POLN: variants seen among roughly 807,000 people sequenced by gnomAD.
POLN encodes the protein DNA polymerase nu.
POLN carries 108 observed loss-of-function variants against 113.5 expected under a neutral mutation model. The ratio of observed to expected loss-of-function variants is 0.95; its 90% CI spans 0.81 to 1.12. The LOEUF (loss-of-function observed/expected upper bound fraction) is 1.12. Among genes scored for constraint, POLN ranks in the 50% most tolerant of loss-of-function variants. The pLI, the probability that POLN is intolerant of heterozygous loss-of-function variation, is 0.00. For synonymous variants in POLN, 386 were observed against 391.5 expected (o/e 0.99, Z 0.17); for missense variants, 1,097 against 1,077.1 (o/e 1.02, Z -0.26).
intron 13 of POLN, among the ~76,000 whole-genome samples, chr4:2,165,413 G>C (rs1732705138): frequency 6.6e-6 from 1 of 152,184 alleles, no homozygotes; most frequent in African/African-American, 2.4e-5. Flanking sequence ...GGCTGTCAGG[G>C]GCTGGTGGGA....
intron 3 of POLN, among the ~76,000 whole-genome samples, chr4:2,217,630 T>C (rs1734143948): frequency 6.6e-6 from 1 of 152,248 alleles, no homozygotes; most frequent in Non-Finnish European, 1.5e-5. Context: ...AGTTTTGTTT[T>C]TGAAAAATTT....
chr4:2,183,267 G>C (rs1308935547), intron 7 of POLN, among the ~76,000 whole-genome samples: 1 of 152,188 alleles, frequency 6.6e-6, no homozygotes, highest in Admixed American at 6.5e-5. Context: ...TAAATACAGA[G>C]TACCACATGA....
intron 20 of POLN, among the ~76,000 whole-genome samples, chr4:2,091,761 C>CTGTGTGTGTGTGTG (rs765518897): frequency 2.0e-4 from 29 of 145,092 alleles, no homozygotes; most frequent in Non-Finnish European, 3.6e-4. Context: ...ACACGTGAAT[C>CTGTGTGTGTGTGTG]TGTGTGTGTG....
intron 15 of POLN, among the ~76,000 whole-genome samples, chr4:2,157,174 G>A (rs1037154719): frequency 6.6e-6 from 1 of 152,224 alleles, no homozygotes; most frequent in African/African-American, 2.4e-5. Flanking sequence ...AGGTGGGACT[G>A]TGCGTCACAG....
chr4:2,112,213 T>C (rs1731211556), intron 19 of POLN, among the ~76,000 whole-genome samples: 1 of 152,254 alleles, frequency 6.6e-6, no homozygotes. Flanking sequence ...ATCCCTTCCT[T>C]ACACCTTATA....
chr4:2,227,861 C>T (rs1329402512), intron 3 of POLN: 4 of 152,128 alleles, frequency 2.6e-5, no homozygotes, highest in Non-Finnish European at 5.9e-5. Context: ...ATTTCCACCT[C>T]TGTCAAGTAT....
At chr4:2,078,106 A>T (rs1482410896) in intron 23 of POLN, among the ~76,000 whole-genome samples, 1 of 152,214 alleles carries the variant, frequency 6.6e-6, no homozygotes, top group Non-Finnish European at 1.5e-5. Flanking sequence ...AGCCCTGCTG[A>T]ACTGCTCTGT....
At chr4:2,105,162 C>T (rs893919300) in intron 19 of POLN, among the ~76,000 whole-genome samples, 1 of 152,196 alleles carries the variant, frequency 6.6e-6, no homozygotes, top group African/African-American at 2.4e-5. Context: ...TGAAAGCACA[C>T]CACCCACCCT....
At chr4:2,116,666 G>C (rs1731325738) in intron 19 of POLN, among the ~76,000 whole-genome samples, 1 of 152,290 alleles carries the variant, frequency 6.6e-6, no homozygotes, top group East Asian at 1.9e-4. Context: ...CAAGTGGCCT[G>C]CAAACTTGGC....
At chr4:2,231,869 C>T (rs1421531677) in intron 2 of POLN, 2 of 754,506 alleles carry the variant, frequency 2.7e-6, no homozygotes, top group African/African-American at 1.8e-5. Context: ...GTTTATTATA[C>T]ACAGTCTTCT....
At chr4:2,195,377 C>T (rs918116367) in intron 6 of POLN, among the ~76,000 whole-genome samples, 11 of 150,694 alleles carry the variant, frequency 7.3e-5, no homozygotes, top group Non-Finnish European at 1.3e-4. Flanking sequence ...CTACTGAACA[C>T]AAATGAAAGT....
intron 19 of POLN, among the ~76,000 whole-genome samples, chr4:2,104,291 T>A (rs2108706779): frequency 6.6e-6 from 1 of 152,400 alleles, no homozygotes; most frequent in East Asian, 1.9e-4. Flanking sequence ...TTACTTGTTC[T>A]GCTGACAGAC....
Position 2,100,127 on chromosome 4 carries a change from G to A in POLN, c.1983-4194C>T, listed in dbSNP as rs867990429. On this transcript the variant is annotated intron_variant, in intron 19 of 25. Transcript: ENST00000511885. ...AGAGAGAGATCCAAAAATTATGCTA[G>A]GGTTCAAATCGTTTATATGGTATGA... Among the ~76,000 whole-genome samples, 9 of 151,698 alleles carry A rather than the reference G, an allele frequency of 5.9e-5. No individual in the cohort carries two copies. In the South Asian group the frequency reaches 1.9e-3, roughly 32 times the overall value.
At chr4:2,229,062 G>A in intron 3 of POLN, 37 bp downstream of exon 3, 1 of 1,540,628 alleles carries the variant, frequency 6.5e-7, no homozygotes, top group Middle Eastern at 1.7e-4. Flanking sequence ...AACATTCAAA[G>A]TATCAAGAGA....
intron 4 of POLN, among the ~76,000 whole-genome samples, chr4:2,210,923 T>TAATTAATA (rs1733977965): frequency 7.4e-6 from 1 of 134,412 alleles, no homozygotes; most frequent in Non-Finnish European, 1.6e-5. Context: ...TCTCAAAACA[T>TAATTAATA]AATAAATAAA....
chr4:2,156,736 T>A, intron 16 of POLN, 52 bp downstream of exon 16: 1 of 1,492,480 alleles, frequency 6.7e-7, no homozygotes, highest in Non-Finnish European at 9.4e-7. Context: ...AAAACTTCAA[T>A]AGCAAGGCAG....
At chr4:2,077,584 G>C (rs770828198) in intron 23 of POLN, among the ~76,000 whole-genome samples, 1 of 152,226 alleles carries the variant, frequency 6.6e-6, no homozygotes, top group African/African-American at 2.4e-5. Context: ...TAACTTCAAG[G>C]CCTCAGGCAG....
At chr4:2,151,877 G>A (rs1395925758) in intron 16 of POLN, among the ~76,000 whole-genome samples, 1 of 152,080 alleles carries the variant, frequency 6.6e-6, no homozygotes, top group Non-Finnish European at 1.5e-5. Flanking sequence ...TTGCACAACT[G>A]GTAGCAATGA....
chr4:2,216,231 CT>C (rs1437691760), intron 3 of POLN, among the ~76,000 whole-genome samples: 2 of 152,246 alleles, frequency 1.3e-5, no homozygotes, highest in Non-Finnish European at 2.9e-5. Flanking sequence ...AAATGGCGTT[CT>C]TCCTGTGCCC....
Sources: allele counts gnomAD v4.1 joint callset (sites outside exome capture counted in the v4.1 genomes callset), GRCh38; gene constraint gnomAD v4.1.1; transcripts MANE v1.5; gene names NCBI Gene and HGNC (gene_info 2026-07-23, HGNC 2026-07-21).